The following SLC45A2 variants were observed in gnomAD, a reference collection of about 807,000 sequenced individuals.
SLC45A2 encodes the protein solute carrier family 45 member 2, also known as membrane-associated transporter protein.
Under a neutral mutation model 45.5 loss-of-function variants are expected in SLC45A2, and 36 were observed. The observed-to-expected ratio is 0.79, with a 90% CI of 0.61 to 1.04. The LOEUF is 1.04. Ranked by LOEUF, SLC45A2 falls within the 50% of genes least tolerant of loss-of-function variation. SLC45A2 has a pLI of 0.00. For missense variants in SLC45A2, 719 were observed against 671.0 expected (o/e 1.07, Z -0.79); for synonymous variants, 306 against 269.3 (o/e 1.14, Z -1.33).
At chr5:33,956,758 T>C (rs1395644276) in intron 3 of SLC45A2, among the ~76,000 whole-genome samples, 3 of 152,194 alleles carry the variant, frequency 2.0e-5, no homozygotes, top group Non-Finnish European at 4.4e-5. Flanking sequence ...AGGGCACCCA[T>C]GGTTTTTCAG....
intron 4 of SLC45A2, among the ~76,000 whole-genome samples, chr5:33,953,182 T>A (rs534862936): frequency 5.8e-4 from 87 of 149,866 alleles, no homozygotes; most frequent in African/African-American, 2.1e-3. Context: ...ATAGACAGCA[T>A]GATTTATAGT....
At chr5:33,963,616 A>G in intron 3 of SLC45A2, 75 bp downstream of exon 3, 2 of 1,440,116 alleles carry the variant, frequency 1.4e-6, no homozygotes, top group Non-Finnish European at 1.9e-6. Flanking sequence ...GACAAAACAA[A>G]CAATTAAAAA....
chr5:33,945,319 T>C lies in SLC45A2; in HGVS notation c.1369-447A>G, dbSNP rs1420733198. ...TACAATGTAGTGGATACTTAATAAA[T>C]ATCCCATTCTTTTCCTTTCTTAGTG... On this transcript the variant is annotated intron_variant, in intron 6 of 6. Coordinates refer to ENST00000296589, the MANE Select transcript of SLC45A2 (RefSeq NM_016180.5). Among the ~76,000 whole-genome samples, 5 of 152,368 alleles carry C rather than the reference T, an allele frequency of 3.3e-5. No individual in the cohort carries two copies. The East Asian group carries it at 9.6e-4, about 29-fold the overall frequency.
intron 6 of SLC45A2, chr5:33,945,736 T>C (rs1237133869): frequency 6.2e-6 from 1 of 160,600 alleles, no homozygotes; most frequent in African/African-American, 2.4e-5. Context: ...ATTCTTTCCA[T>C]TTGCCTCATG....
At chr5:33,972,070 T>C (rs1244701296) in intron 2 of SLC45A2, 4 of 497,774 alleles carry the variant, frequency 8.0e-6, no homozygotes, top group South Asian at 5.8e-5. Flanking sequence ...AGGTTGTATC[T>C]AGTTCTATTG....
rs571793228 is a variant in SLC45A2 at position 33,963,605 on chromosome 5, A to T, written c.888+86T>A. On this transcript the variant is annotated intron_variant, in intron 3 of 6. Coordinates refer to ENST00000296589, the MANE Select transcript of SLC45A2 (RefSeq NM_016180.5). ...CCCCATGAAACTCTTCTCGTCAAAC[A>T]GACAAAACAAACAATTAAAAAAACA... The T allele has an allele frequency of 5.5e-6, 8 of 1,466,608 alleles. No individual in the cohort carries two copies. In the East Asian group the frequency reaches 1.8e-4, roughly 34 times the overall value. The allele number at this position is 1,466,608 out of a possible 1,614,324, so 90.8% of individuals were successfully genotyped here.
At chr5:33,947,410 A>C in intron 5 of SLC45A2, 36 bp from the exon 6 acceptor site, 1 of 1,552,220 alleles carries the variant, frequency 6.4e-7, no homozygotes, top group Non-Finnish European at 8.9e-7. Context: ...TACAGCTGGC[A>C]GTGCCTCATA....
At chr5:33,984,089 T>A in intron 1 of SLC45A2, 110 bp downstream of exon 1, 1 of 1,502,372 alleles carries the variant, frequency 6.7e-7, no homozygotes, top group Non-Finnish European at 9.1e-7. Flanking sequence ...CTAGGAGAGA[T>A]CAATTCTAAC....
At position 33,948,554 on chromosome 5, in the gene SLC45A2, A is replaced by G. The variant is rs144484954; in HGVS notation, c.1157-1180T>C. On this transcript the variant is annotated intron_variant, in intron 5 of 6. Coordinates refer to ENST00000296589, the MANE Select transcript of SLC45A2 (RefSeq NM_016180.5). Reference sequence around the variant, plus strand: ...CCTTATTTGCAGTACATTTGAATCAATTATGAAACTAAACACTCTCACACT... The same window carrying G: ...CCTTATTTGCAGTACATTTGAATCAGTTATGAAACTAAACACTCTCACACT... Among the ~76,000 whole-genome samples, 349 of 152,356 alleles carry G rather than the reference A, an allele frequency of 2.3e-3. 1 individual carries two copies. The highest frequency in any genetic ancestry group is 8.0e-3 in the African/African-American group (331 of 41,588).
chr5:33,951,155 A>G (rs1752084513), intron 5 of SLC45A2, among the ~76,000 whole-genome samples: 1 of 152,210 alleles, frequency 6.6e-6, no homozygotes, highest in Admixed American at 6.5e-5. Flanking sequence ...GTCACCTGTC[A>G]TATTAATATT....
intron 3 of SLC45A2, among the ~76,000 whole-genome samples, chr5:33,959,636 A>G (rs1579544083): frequency 6.6e-6 from 1 of 152,308 alleles, no homozygotes; most frequent in Admixed American, 6.5e-5. Flanking sequence ...GAATCAGATG[A>G]ATAGATTACT....
At position 33,946,547 on chromosome 5, in the gene SLC45A2, G is replaced by A. The variant is rs916616197; in HGVS notation, c.1368+616C>T. 7 of 989,756 alleles carry A rather than the reference G, an allele frequency of 7.1e-6. No homozygotes were observed. The African/African-American group carries it at 1.2e-4, about 17-fold the overall frequency. The allele number at this position is 989,756 out of a possible 1,614,324, so 61.3% of individuals were successfully genotyped here. A position where few individuals can be genotyped will look rare whatever the true frequency, so the allele number is the denominator to read the frequency against. On this transcript the variant is annotated intron_variant, in intron 6 of 6. Coordinates refer to ENST00000296589, the MANE Select transcript of SLC45A2 (RefSeq NM_016180.5). ...CAACTCTGTTATAAGCACTGCATAG[G>A]CGCTTGTTCACTAGTTGCGTTCCAA... is the stretch of plus-strand genomic sequence containing the variant.
chr5:33,976,926 T>C (rs1752943530), intron 2 of SLC45A2, among the ~76,000 whole-genome samples: 1 of 148,878 alleles, frequency 6.7e-6, no homozygotes, highest in Non-Finnish European at 1.5e-5. Flanking sequence ...GTGAAAGGGC[T>C]CAATTATGGG....
At position 33,984,423 on chromosome 5, in the gene SLC45A2, G is replaced by A. The variant is rs1753182397; in HGVS notation, c.161C>T (p.Ala54Val). ...GREFCYAVEA[A>V]YVTPVLLSVG... ...GCTGAGCAGGACTGGGGTCACATACGCTGCCTCCACCGCGTAGCAGAACTC... is the reference window on the plus strand; with the variant it reads ...GCTGAGCAGGACTGGGGTCACATACACTGCCTCCACCGCGTAGCAGAACTC... Residue 54 changes from alanine (A) to valine (V), a missense_variant, in exon 1 of 7, where the codon GCG becomes GTG. By Grantham distance (64) the Ala-to-Val change is moderately conservative. Transcript: ENST00000296589. 3.7e-6 allele frequency: 6 copies of A among 1,613,354 alleles called. No individual in the cohort carries two copies. Among genetic ancestry groups the A allele is most frequent in the Non-Finnish European group, 5.1e-6 (6 of 1,179,768 alleles).
At position 33,970,402 on chromosome 5, in the gene SLC45A2, T is replaced by A. The variant is rs1752744383; in HGVS notation, c.563-6386A>T. Among the ~76,000 whole-genome samples, 3 of 152,264 alleles carry A rather than the reference T, an allele frequency of 2.0e-5. No homozygotes were observed. In the South Asian group the frequency reaches 6.2e-4, roughly 31 times the overall value. Reference sequence around the variant, plus strand: ...AGCCTCCTCAGAGCCAGCTCTGTAATGCTTATTGTTTGGCCTGTTCCTGTC... The same window carrying A: ...AGCCTCCTCAGAGCCAGCTCTGTAAAGCTTATTGTTTGGCCTGTTCCTGTC... On this transcript the variant is annotated intron_variant, in intron 2 of 6. Transcript: ENST00000296589.
intron 2 of SLC45A2, chr5:33,971,171 CACTA>C (rs527715104): frequency 9.4e-6 from 5 of 531,486 alleles, no homozygotes; most frequent in South Asian, 1.4e-5. Flanking sequence ...GATAGGGCTA[CACTA>C]ACTATCATGA....
intron 5 of SLC45A2, chr5:33,951,344 G>A: frequency 1.5e-6 from 2 of 1,348,434 alleles, no homozygotes; most frequent in African/African-American, 1.5e-5. Flanking sequence ...CAAGAGCAAA[G>A]TAATCAGTGA....
chr5:33,946,873 T>C (rs1751945178), intron 6 of SLC45A2: 1 of 1,372,964 alleles, frequency 7.3e-7, no homozygotes, highest in Admixed American at 3.1e-5. Context: ...TGGGCTGGTT[T>C]CTCAGCCTCA....
intron 2 of SLC45A2, among the ~76,000 whole-genome samples, chr5:33,966,701 G>C (rs905764098): frequency 6.6e-6 from 1 of 152,152 alleles, no homozygotes; most frequent in African/African-American, 2.4e-5. Flanking sequence ...CTAGTTAATA[G>C]TAACAAGGTG....
Sources: allele counts gnomAD v4.1 joint callset (sites outside exome capture counted in the v4.1 genomes callset), GRCh38; gene constraint gnomAD v4.1.1; transcripts MANE v1.5; gene names NCBI Gene and HGNC (gene_info 2026-07-23, HGNC 2026-07-21).